The following RTTN variants were observed in gnomAD, a reference collection of about 807,000 sequenced individuals.
RTTN encodes the protein rotatin.
RTTN carries 182 observed loss-of-function variants against 269.2 expected under a neutral mutation model. The observed-to-expected ratio is 0.68, with a 90% CI of 0.60 to 0.76. RTTN has a LOEUF of 0.76. Among genes scored for constraint, RTTN ranks in the 30% least tolerant of loss-of-function variants. The pLI is 0.00. For synonymous variants in RTTN, 1,006 were observed against 963.5 expected (o/e 1.04, Z -0.82); for missense variants, 2,545 against 2,608.6 (o/e 0.98, Z 0.53).
intron 46 of RTTN, 50 bp downstream of exon 46, chr18:70,017,357 C>G (rs759107312): frequency 6.6e-7 from 1 of 1,515,308 alleles, no homozygotes; most frequent in African/African-American, 1.4e-5. Flanking sequence ...TTGACCTGAA[C>G]AGTCTATGAA....
intron 35 of RTTN, among the ~76,000 whole-genome samples, chr18:70,061,808 T>C (rs978844443): frequency 6.6e-6 from 1 of 152,176 alleles, no homozygotes; most frequent in Non-Finnish European, 1.5e-5. Flanking sequence ...TCCTCCAGCC[T>C]GGATGACAGA....
At chr18:70,096,152 C>A (rs1255807305) in intron 28 of RTTN, among the ~76,000 whole-genome samples, 4 of 152,108 alleles carry the variant, frequency 2.6e-5, no homozygotes, top group Non-Finnish European at 4.4e-5. Flanking sequence ...TCCATCAGGT[C>A]ATTTATGTTC....
chr18:70,145,701 C>T lies in RTTN; in HGVS notation c.2392G>A (p.Ala798Thr), dbSNP rs143585515. Residue 798 changes from alanine (A) to threonine (T), a missense_variant, in exon 18 of 49, where the codon GCC (alanine) becomes ACC (threonine). Ala to Thr is a moderately conservative substitution (Grantham distance 58, BLOSUM62 0). Coordinates refer to ENST00000640769, the MANE Select transcript of RTTN (RefSeq NM_173630.4). Reference protein sequence around the residue: ...GADTKRPLIDARVLSRVTDLF... With the variant: ...GADTKRPLIDTRVLSRVTDLF... ...TCAGTAACTCTGGAGAGAACTCTGG[C>T]GTCTATTAGAGGACGCTTTGTATCA... 27 of 1,613,266 alleles carry T rather than the reference C, an allele frequency of 1.7e-5. 1 individual carries two copies. Among genetic ancestry groups the T allele is most frequent in the African/African-American group, 5.3e-5 (4 of 74,976 alleles).
intron 32 of RTTN, among the ~76,000 whole-genome samples, chr18:70,084,358 T>C (rs969343417): frequency 4.6e-5 from 7 of 152,212 alleles, no homozygotes; most frequent in Non-Finnish European, 7.3e-5. Context: ...ATGAAACATT[T>C]TGTTGAATAA....
chr18:70,163,227 C>G (rs1178976181), intron 14 of RTTN, among the ~76,000 whole-genome samples: 3 of 151,538 alleles, frequency 2.0e-5, no homozygotes, highest in Non-Finnish European at 2.9e-5. Context: ...ACTAAAAATA[C>G]AAAACTTAGC....
At chr18:70,125,848 A>G (rs2059850791) in intron 25 of RTTN, among the ~76,000 whole-genome samples, 1 of 151,954 alleles carries the variant, frequency 6.6e-6, no homozygotes, top group Non-Finnish European at 1.5e-5. Context: ...ATTAGTACAT[A>G]CATTGCTGGA....
At chr18:70,010,586 C>A (rs761685251) in intron 46 of RTTN, among the ~76,000 whole-genome samples, 2 of 152,140 alleles carry the variant, frequency 1.3e-5, no homozygotes, top group Non-Finnish European at 2.9e-5. Flanking sequence ...ACAGCTAAAG[C>A]AGTGTTTAGA....
intron 17 of RTTN, among the ~76,000 whole-genome samples, chr18:70,146,702 G>C (rs558804851): frequency 5.9e-5 from 9 of 152,148 alleles, no homozygotes; most frequent in African/African-American, 2.2e-4. Context: ...TTGATAATAA[G>C]AGCTATATTC....
In RTTN at chr18:70,109,544, G is replaced by C. The variant is rs776428925; in HGVS notation, c.3857C>G (p.Thr1286Arg). ...FPGWSSHSPL[T>R]KPLDICVKYL... ...CTTCACACAGATATCTAGAGGCTTTGTGAGAGGAGAGTGTGAGCTCCATCC... is the reference window on the plus strand; with the variant it reads ...CTTCACACAGATATCTAGAGGCTTTCTGAGAGGAGAGTGTGAGCTCCATCC... Residue 1286 changes from threonine to arginine, a missense_variant, in exon 28 of 49, where the codon ACA becomes AGA. Thr to Arg is a moderately conservative substitution (Grantham distance 71). Coordinates refer to ENST00000640769, the MANE Select transcript of RTTN (RefSeq NM_173630.4). 30 of 1,613,976 alleles carry C rather than the reference G, an allele frequency of 1.9e-5. No homozygotes were observed. Among genetic ancestry groups the C allele is most frequent in the Non-Finnish European group, 2.5e-5 (29 of 1,180,030 alleles).
intron 25 of RTTN, among the ~76,000 whole-genome samples, chr18:70,123,472 C>T (rs1039514212): frequency 2.0e-5 from 3 of 152,102 alleles, no homozygotes; most frequent in Admixed American, 6.6e-5. Flanking sequence ...CTCTCAGCAA[C>T]GTCTCCCTTT....
intron 32 of RTTN, among the ~76,000 whole-genome samples, chr18:70,082,446 T>C (rs1482299018): frequency 6.6e-6 from 1 of 152,188 alleles, no homozygotes; most frequent in Non-Finnish European, 1.5e-5. Flanking sequence ...AATCCATCTC[T>C]AATCAATAGA....
rs79362948 is a variant in RTTN at position 70,025,854 on chromosome 18, T to C, written c.5824-1006A>G. Among the ~76,000 whole-genome samples the C allele has an allele frequency of 7.4e-3, 1,127 of 152,334 alleles. 43 individuals are homozygous for C. Among genetic ancestry groups the C allele is most frequent in the Admixed American group, 0.063 (968 of 15,296 alleles). ...TTCTTGCCTGCCAGAGATTGATACA[T>C]CCATCTGTGTTCTGAAACACAGCTC... On this transcript the variant is annotated intron_variant, in intron 43 of 48. Coordinates refer to ENST00000640769, the MANE Select transcript of RTTN (RefSeq NM_173630.4).
In RTTN at chr18:70,100,043, G is replaced by A. The variant is rs140216297; in HGVS notation, c.3904-7239C>T. Among the ~76,000 whole-genome samples, 766 of 152,334 alleles carry A rather than the reference G, an allele frequency of 5.0e-3. 6 individuals are homozygous for A. Among genetic ancestry groups the A allele is most frequent in the African/African-American group, 0.017 (726 of 41,574 alleles). ...GCCTCCAGCTTTGTTCTTTGGCTTA[G>A]GATTGTCTTGGCAATGCAGGCTCTT... On this transcript the variant is annotated intron_variant, in intron 28 of 48. Coordinates refer to ENST00000640769, the MANE Select transcript of RTTN (RefSeq NM_173630.4).
intron 24 of RTTN, chr18:70,127,951 C>G (rs542405141): frequency 9.8e-5 from 53 of 542,548 alleles, no homozygotes; most frequent in African/African-American, 8.9e-4. Flanking sequence ...GACTTTTCCT[C>G]CTTATAAAAA....
intron 28 of RTTN, among the ~76,000 whole-genome samples, chr18:70,099,672 T>C (rs566860323): frequency 8.3e-4 from 127 of 152,308 alleles, no homozygotes; most frequent in African/African-American, 2.2e-3. Context: ...ATGTCCTGAA[T>C]GGTATTGCCT....
At chr18:70,084,054 T>C (rs150195636) in intron 32 of RTTN, among the ~76,000 whole-genome samples, 2,177 of 148,930 alleles carry the variant, frequency 0.015, 26 homozygotes, top group Non-Finnish European at 0.023. Context: ...ACAACAATTC[T>C]ATGTCATGAC....
At chr18:70,112,891 T>C (rs1490664132) in intron 27 of RTTN, among the ~76,000 whole-genome samples, 3 of 152,200 alleles carry the variant, frequency 2.0e-5, no homozygotes, top group African/African-American at 7.2e-5. Flanking sequence ...ATCGCACTTA[T>C]TCTAAAATTG....
chr18:70,070,356 A>G (rs999867119), intron 34 of RTTN, among the ~76,000 whole-genome samples: 20 of 152,218 alleles, frequency 1.3e-4, no homozygotes, highest in African/African-American at 4.8e-4. Context: ...TTCTCTCTCC[A>G]TCATCACACA....
At chr18:70,177,038 C>T (rs1028053878) in intron 10 of RTTN, among the ~76,000 whole-genome samples, 193 bp from the exon 11 acceptor site, 3 of 152,060 alleles carry the variant, frequency 2.0e-5, no homozygotes, top group Admixed American at 6.6e-5. Flanking sequence ...AATGATAAAC[C>T]ACCTACATTT....
Sources: gnomAD v4.1 joint callset for allele counts (sites outside exome capture counted in the v4.1 genomes callset) on GRCh38, gnomAD v4.1.1 for gene constraint, MANE v1.5 for transcripts, NCBI Gene and HGNC (gene_info 2026-07-23, HGNC 2026-07-21) for gene names.